Variants in OXCT1 observed in about 807,000 individuals in gnomAD.
OXCT1 encodes succinyl-CoA:3-ketoacid coenzyme A transferase 1, mitochondrial.
A neutral mutation model predicts 69.6 loss-of-function variants in OXCT1; 27 were observed. That is an observed-to-expected ratio of 0.39 (90% CI 0.29 to 0.54). The LOEUF (loss-of-function observed/expected upper bound fraction) is 0.54, where lower values mean the gene tolerates loss of function less well. Ranked by LOEUF, OXCT1 falls within the 20% of genes least tolerant of loss-of-function variation. The pLI is 0.72. For missense variants in OXCT1, 437 were observed against 650.2 expected, an observed-to-expected ratio of 0.67 and a Z score of 3.57; for synonymous variants, 202 against 217.8, an observed-to-expected ratio of 0.93 and a Z score of 0.64.
chr5:41,830,763 A>G (rs751988362), intron 7 of OXCT1, among the ~76,000 whole-genome samples: 8 of 152,184 alleles, frequency 5.3e-5, no homozygotes, highest in Non-Finnish European at 1.0e-4. Flanking sequence ...TTGAAAAATT[A>G]TGAGTTCCAC....
chr5:41,849,067 A>C (rs972997331), intron 5 of OXCT1, among the ~76,000 whole-genome samples: 1 of 152,132 alleles, frequency 6.6e-6, no homozygotes, highest in African/African-American at 2.4e-5. Context: ...GAATCTAAAA[A>C]ACACATTAAT....
In OXCT1 at chr5:41,759,296, G is replaced by A. The variant is rs142375336; in HGVS notation, c.1338+2815C>T. On this transcript the variant is annotated intron_variant, in intron 14 of 16. Coordinates refer to ENST00000196371, the MANE Select transcript of OXCT1 (RefSeq NM_000436.4). Reference sequence around the variant, plus strand: ...TACTTCAGAGGATCAATGAGATTAAGCATATGCAGTGCCAAGCACAGCACC... The same window carrying A: ...TACTTCAGAGGATCAATGAGATTAAACATATGCAGTGCCAAGCACAGCACC... 5.3e-5 allele frequency among the ~76,000 whole-genome samples: 8 copies of A among 152,094 alleles called. No individual in the cohort carries two copies. The East Asian group carries it at 1.4e-3, about 26-fold the overall frequency.
At chr5:41,866,865 A>T (rs1470011395) in intron 1 of OXCT1, among the ~76,000 whole-genome samples, 1 of 152,176 alleles carries the variant, frequency 6.6e-6, no homozygotes, top group African/African-American at 2.4e-5. Flanking sequence ...TAGAAAACCA[A>T]AGTTTGCCAG....
intron 15 of OXCT1, among the ~76,000 whole-genome samples, chr5:41,747,305 T>C (rs1291374253): frequency 6.6e-6 from 1 of 152,108 alleles, no homozygotes; most frequent in Non-Finnish European, 1.5e-5. Flanking sequence ...TGTGACTACA[T>C]GTTTTCTTCC....
At chr5:41,798,252 G>A (rs1746270971) in intron 11 of OXCT1, among the ~76,000 whole-genome samples, 1 of 152,178 alleles carries the variant, frequency 6.6e-6, no homozygotes, top group Non-Finnish European at 1.5e-5. Flanking sequence ...AAGACAGAAA[G>A]CCATAATGGT....
intron 13 of OXCT1, among the ~76,000 whole-genome samples, chr5:41,773,403 T>C (rs892594885): frequency 2.0e-5 from 3 of 148,664 alleles, no homozygotes; most frequent in African/African-American, 7.4e-5. Flanking sequence ...GGTAAAACCC[T>C]GTCTCTACGA....
chr5:41,772,965 C>T (rs73076298), intron 13 of OXCT1, among the ~76,000 whole-genome samples: 14,576 of 152,118 alleles, frequency 0.096, 741 homozygotes, highest in Non-Finnish European at 0.11. Flanking sequence ...TGAGAATGAC[C>T]CATCTCTGGA....
chr5:41,792,071 G>A (rs535070236), intron 13 of OXCT1, among the ~76,000 whole-genome samples: 1 of 152,296 alleles, frequency 6.6e-6, no homozygotes, highest in East Asian at 1.9e-4. Flanking sequence ...CCAAAGTGCT[G>A]GGATTACAGG....
chr5:41,758,691 G>A (rs912383234), intron 14 of OXCT1, among the ~76,000 whole-genome samples: 1 of 152,194 alleles, frequency 6.6e-6, no homozygotes, highest in African/African-American at 2.4e-5. Flanking sequence ...TACAAGTGGT[G>A]GAGGCAGCTC....
intron 13 of OXCT1, among the ~76,000 whole-genome samples, chr5:41,789,647 A>G (rs2112212973): frequency 6.6e-6 from 1 of 152,354 alleles, no homozygotes; most frequent in Middle Eastern, 3.4e-3. Flanking sequence ...CTAATAAGAC[A>G]AAGGCATTAC....
chr5:41,844,940 A>G (rs1748820928), intron 5 of OXCT1, among the ~76,000 whole-genome samples: 3 of 148,552 alleles, frequency 2.0e-5, no homozygotes, highest in South Asian at 2.1e-4. Context: ...TTGGCTTCCT[A>G]GCAAAAAAAA....
chr5:41,797,782 T>C (rs1228331623), intron 11 of OXCT1, among the ~76,000 whole-genome samples: 5 of 152,200 alleles, frequency 3.3e-5, no homozygotes, highest in South Asian at 2.1e-4. Context: ...ATGAAATGCA[T>C]AGTTTCTAAT....
intron 14 of OXCT1, among the ~76,000 whole-genome samples, chr5:41,751,499 C>A (rs1743784829): frequency 6.6e-6 from 1 of 152,200 alleles, no homozygotes; most frequent in African/African-American, 2.4e-5. Context: ...AGCCAAAGGA[C>A]CTGTGTGTAA....
intron 15 of OXCT1, among the ~76,000 whole-genome samples, chr5:41,746,982 T>C (rs1743524204): frequency 6.6e-6 from 1 of 152,150 alleles, no homozygotes; most frequent in Non-Finnish European, 1.5e-5. Flanking sequence ...TTTTGAGATT[T>C]TTTGCCTAGG....
chr5:41,774,894 CA>C (rs1745048980), intron 13 of OXCT1, among the ~76,000 whole-genome samples: 1 of 150,310 alleles, frequency 6.7e-6, no homozygotes, highest in African/African-American at 2.5e-5. Flanking sequence ...AACTCTGTCT[CA>C]AAAAATAAAA....
intron 1 of OXCT1, among the ~76,000 whole-genome samples, chr5:41,868,096 C>T (rs2112491699): frequency 6.6e-6 from 1 of 152,292 alleles, no homozygotes; most frequent in Non-Finnish European, 1.5e-5. Context: ...AGAAAACCTC[C>T]AGGTAATGCT....
At chr5:41,841,891 G>A (rs1052179444) in intron 6 of OXCT1, among the ~76,000 whole-genome samples, 2 of 152,108 alleles carry the variant, frequency 1.3e-5, no homozygotes, top group South Asian at 4.1e-4. Context: ...GTATCACTGA[G>A]AACTTAACTG....
chr5:41,783,069 A>G (rs1745487674), intron 13 of OXCT1, among the ~76,000 whole-genome samples: 1 of 152,252 alleles, frequency 6.6e-6, no homozygotes, highest in Non-Finnish European at 1.5e-5. Flanking sequence ...ATAATCTTTC[A>G]GATAATGCCG....
chr5:41,844,776 T>C (rs1748812159), intron 5 of OXCT1, among the ~76,000 whole-genome samples: 1 of 151,858 alleles, frequency 6.6e-6, no homozygotes, highest in Non-Finnish European at 1.5e-5. Flanking sequence ...CCCTTACCTA[T>C]CTACCAGTAA....
Sources: allele counts gnomAD v4.1 joint callset (sites outside exome capture counted in the v4.1 genomes callset), GRCh38; gene constraint gnomAD v4.1.1; transcripts MANE v1.5; gene names NCBI Gene and HGNC (gene_info 2026-07-23, HGNC 2026-07-21).